Variants in SPMIP7 observed in about 807,000 individuals in gnomAD.
SPMIP7 encodes sperm microtubule inner protein 7, also known as protein SPMIP7.
At chr7:50,125,946 C>A in the SPMIP7 span, among the ~76,000 whole-genome samples, 3 of 151,856 alleles carry the variant, frequency 2.0e-5, no homozygotes, top group Admixed American at 6.6e-5. Flanking sequence ...TGAAATGTGA[C>A]AAGAGAAAGA....
chr7:50,138,492 G>C, the SPMIP7 span, among the ~76,000 whole-genome samples: 4 of 152,116 alleles, frequency 2.6e-5, no homozygotes, highest in Non-Finnish European at 5.9e-5. Flanking sequence ...TCCATCTTTT[G>C]CTCTCTGGAA....
chr7:50,104,522 T>C, the SPMIP7 span: 1 of 309,688 alleles, frequency 3.2e-6, no homozygotes, highest in Non-Finnish European at 5.5e-6. Flanking sequence ...ATGCCTTAGA[T>C]GAACAGCTAC....
At chr7:50,143,509 A>G in the SPMIP7 span, among the ~76,000 whole-genome samples, 100 of 152,272 alleles carry the variant, frequency 6.6e-4, no homozygotes, top group African/African-American at 2.3e-3. Flanking sequence ...TTTACTCTCT[A>G]GTTCAAGTGG....
chr7:50,106,635 T>C, the SPMIP7 span, among the ~76,000 whole-genome samples: 1 of 152,140 alleles, frequency 6.6e-6, no homozygotes, highest in African/African-American at 2.4e-5. Context: ...AATTAACATA[T>C]CCAAATACAT....
At chr7:50,130,217 T>G in the SPMIP7 span, among the ~76,000 whole-genome samples, 1 of 152,136 alleles carries the variant, frequency 6.6e-6, no homozygotes, top group Non-Finnish European at 1.5e-5. Context: ...ATTGATCTCT[T>G]TTCACTCTGC....
At chr7:50,158,275 C>T in the SPMIP7 span, among the ~76,000 whole-genome samples, 1 of 151,412 alleles carries the variant, frequency 6.6e-6, no homozygotes, top group South Asian at 2.1e-4. Flanking sequence ...CTTTTCCTAG[C>T]CTCTGGGTGA....
At chr7:50,142,685 T>C in the SPMIP7 span, 7 of 152,216 alleles carry the variant, frequency 4.6e-5, no homozygotes, top group African/African-American at 1.7e-4. Context: ...TAAACTCCTG[T>C]GTATCCCCCA....
At chr7:50,151,242 T>A in the SPMIP7 span, among the ~76,000 whole-genome samples, 1 of 152,190 alleles carries the variant, frequency 6.6e-6, no homozygotes, top group Non-Finnish European at 1.5e-5. Context: ...AGCATAGGGC[T>A]GTTATCTAAG....
the SPMIP7 span, among the ~76,000 whole-genome samples, chr7:50,147,365 A>G: frequency 2.6e-5 from 4 of 152,136 alleles, no homozygotes. Flanking sequence ...ACCACTTGCC[A>G]GCTTGGTTGG....
chr7:50,134,144 A>G, the SPMIP7 span: 2 of 1,550,666 alleles, frequency 1.3e-6, no homozygotes, highest in Non-Finnish European at 1.7e-6. Flanking sequence ...AGATGCTACC[A>G]CCAAAACTTG....
At chr7:50,129,160 T>C in the SPMIP7 span, among the ~76,000 whole-genome samples, 1 of 151,690 alleles carries the variant, frequency 6.6e-6, no homozygotes, top group Non-Finnish European at 1.5e-5. Flanking sequence ...TTAACAAAAA[T>C]TGAACTTCAG....
the SPMIP7 span, among the ~76,000 whole-genome samples, chr7:50,144,412 T>C: frequency 1.3e-5 from 2 of 152,342 alleles, no homozygotes; most frequent in Admixed American, 1.3e-4. Flanking sequence ...TGTGTGTATG[T>C]AAGATTGAAA....
the SPMIP7 span, chr7:50,136,119 A>G: frequency 6.4e-7 from 1 of 1,551,400 alleles, no homozygotes. Context: ...GCTCTGGGAC[A>G]GATTTCAAAC....
chr7:50,133,779 G>A, the SPMIP7 span, among the ~76,000 whole-genome samples: 4 of 152,110 alleles, frequency 2.6e-5, no homozygotes, highest in Non-Finnish European at 5.9e-5. Flanking sequence ...TTGTTGTTTT[G>A]TGTCTCTTTT....
the SPMIP7 span, among the ~76,000 whole-genome samples, chr7:50,134,990 G>C: frequency 3.3e-5 from 5 of 152,086 alleles, no homozygotes; most frequent in African/African-American, 4.8e-5. Context: ...TCTTCTTACT[G>C]TTCCTCTTTA....
chr7:50,120,329 T>C, the SPMIP7 span: 1 of 152,072 alleles, frequency 6.6e-6, no homozygotes, highest in Non-Finnish European at 1.5e-5. Context: ...ATCCATAAAT[T>C]GGGAAAAAAT....
the SPMIP7 span, among the ~76,000 whole-genome samples, chr7:50,126,245 A>C: frequency 6.6e-6 from 1 of 152,116 alleles, no homozygotes; most frequent in South Asian, 2.1e-4. Context: ...ATCCTAAAAA[A>C]AGATAAAGGA....
the SPMIP7 span, among the ~76,000 whole-genome samples, chr7:50,108,189 T>A: frequency 6.6e-6 from 1 of 152,112 alleles, no homozygotes; most frequent in Non-Finnish European, 1.5e-5. Flanking sequence ...AGTAAAGATA[T>A]CAAAGAGCAA....
At chr7:50,140,204 G>A in the SPMIP7 span, 4 of 1,438,786 alleles carry the variant, frequency 2.8e-6, no homozygotes, top group Non-Finnish European at 3.7e-6. Context: ...TCTCAGTCTT[G>A]TAAAAAAATT....
Sources: gnomAD v4.1 joint callset for allele counts (sites outside exome capture counted in the v4.1 genomes callset) on GRCh38, gnomAD v4.1.1 for gene constraint, MANE v1.5 for transcripts, NCBI Gene and HGNC (gene_info 2026-07-23, HGNC 2026-07-21) for gene names.